TMEM117: variants seen among roughly 807,000 people sequenced by gnomAD.
TMEM117 encodes the protein transmembrane protein 117.
In TMEM117, 27 loss-of-function variants were observed where a neutral mutation model predicts 52.4. The ratio of observed to expected loss-of-function variants is 0.51; its 90% confidence interval spans 0.38 to 0.71. The LOEUF (loss-of-function observed/expected upper bound fraction) is 0.71. Ranked by LOEUF, TMEM117 falls within the 30% of genes least tolerant of loss-of-function variation. The pLI, the probability that TMEM117 is intolerant of heterozygous loss-of-function variation, is 0.00. For synonymous variants in TMEM117, 215 were observed against 206.3 expected (o/e 1.04, Z -0.36); for missense variants, 556 against 630.5 (o/e 0.88, Z 1.26).
At chr12:44,127,190 G>T (rs1310899406) in intron 3 of TMEM117, among the ~76,000 whole-genome samples, 1 of 152,110 alleles carries the variant, frequency 6.6e-6, no homozygotes, top group Non-Finnish European at 1.5e-5. Flanking sequence ...AAAATATTGT[G>T]TCATATGTTG....
At chr12:43,993,484 G>A (rs1945977259) in intron 3 of TMEM117, among the ~76,000 whole-genome samples, 1 of 152,044 alleles carries the variant, frequency 6.6e-6, no homozygotes, top group Admixed American at 6.6e-5. Flanking sequence ...CCTAATGATT[G>A]AGCACACATA....
At chr12:44,350,629 T>A (rs1028782843) in intron 6 of TMEM117, among the ~76,000 whole-genome samples, 1 of 152,012 alleles carries the variant, frequency 6.6e-6, no homozygotes, top group African/African-American at 2.4e-5. Flanking sequence ...TTTGTCTTAC[T>A]GTGCCTGGCT....
downstream of TMEM117, among the ~76,000 whole-genome samples, chr12:44,390,675 G>C (rs917463014): frequency 1.3e-4 from 19 of 151,890 alleles, no homozygotes; most frequent in Non-Finnish European, 1.6e-4. Flanking sequence ...CATAAATTTA[G>C]TAACAAATGG....
intron 3 of TMEM117, among the ~76,000 whole-genome samples, chr12:44,125,939 ACTT>A (rs1415172408): frequency 1.3e-5 from 2 of 152,176 alleles, no homozygotes; most frequent in Non-Finnish European, 2.9e-5. Flanking sequence ...GCTTCAAAGA[ACTT>A]CTTGATTTGT....
intron 2 of TMEM117, among the ~76,000 whole-genome samples, chr12:43,875,247 G>A (rs1262319571): frequency 6.6e-6 from 1 of 150,834 alleles, no homozygotes; most frequent in Non-Finnish European, 1.5e-5. Flanking sequence ...GTGTGTGTGT[G>A]TGTGAGAAAA....
the TMEM117 span, among the ~76,000 whole-genome samples, chr12:44,396,332 C>T: frequency 6.6e-6 from 1 of 152,022 alleles, no homozygotes; most frequent in Non-Finnish European, 1.5e-5. Context: ...AAATGTACTG[C>T]CCCTCTCTTG....
intron 5 of TMEM117, among the ~76,000 whole-genome samples, chr12:44,264,731 AT>A (rs1295689803): frequency 5.9e-5 from 9 of 152,206 alleles, no homozygotes; most frequent in Admixed American, 4.6e-4. Flanking sequence ...AAAGAAAAAA[AT>A]ATAAAGATGT....
chr12:44,243,714 C>T lies in TMEM117; in HGVS notation c.608+32327C>T, dbSNP rs139771257. On this transcript the variant is annotated intron_variant, in intron 5 of 7. Transcript: ENST00000266534. Reference sequence around the variant, plus strand: ...AGTCACTGTGCTGTGCCATTCTGATCGCTAAAACTTATTCCTCCTAACTGA... The same window carrying T: ...AGTCACTGTGCTGTGCCATTCTGATTGCTAAAACTTATTCCTCCTAACTGA... Among the ~76,000 whole-genome samples, 74 of 151,904 alleles carry T rather than the reference C, an allele frequency of 4.9e-4. No homozygotes were observed. The East Asian group carries it at 8.3e-3, about 17-fold the overall frequency.
At chr12:44,030,520 C>G (rs188657622) in intron 3 of TMEM117, among the ~76,000 whole-genome samples, 1 of 152,098 alleles carries the variant, frequency 6.6e-6, no homozygotes, top group Non-Finnish European at 1.5e-5. Context: ...ATTTGAGACT[C>G]CTAAAGAAAC....
chr12:44,070,088 G>A (rs977644198), intron 3 of TMEM117, among the ~76,000 whole-genome samples: 2 of 152,052 alleles, frequency 1.3e-5, no homozygotes, highest in African/African-American at 2.4e-5. Flanking sequence ...ATAGGGTCTT[G>A]CCATGTTGTT....
chr12:44,002,435 G>A (rs1346882978), intron 3 of TMEM117, among the ~76,000 whole-genome samples: 2 of 152,148 alleles, frequency 1.3e-5, no homozygotes, highest in Non-Finnish European at 2.9e-5. Context: ...CAGCTCTCGG[G>A]TTGGGGTCAG....
At chr12:44,303,010 T>A (rs1950860098) in intron 6 of TMEM117, among the ~76,000 whole-genome samples, 1 of 152,002 alleles carries the variant, frequency 6.6e-6, no homozygotes, top group South Asian at 2.1e-4. Context: ...TCTCTATTGG[T>A]AGGAAAATTC....
At chr12:44,181,468 A>C (rs1460259574) in intron 4 of TMEM117, among the ~76,000 whole-genome samples, 1 of 150,352 alleles carries the variant, frequency 6.7e-6, no homozygotes, top group African/African-American at 2.4e-5. Context: ...GTTTTCTTCT[A>C]GGGTTTTTAT....
intron 5 of TMEM117, among the ~76,000 whole-genome samples, chr12:44,268,539 A>T (rs1950407615): frequency 6.6e-6 from 1 of 152,170 alleles, no homozygotes. Context: ...AGAAGAGTGT[A>T]TTATAAATAT....
At position 44,299,725 on chromosome 12, in the gene TMEM117, C is replaced by G; in HGVS notation, c.754C>G (p.Leu252Val). ...LASFILVFDLLIVMQDWEFPH... is the reference protein window; with the variant it reads ...LASFILVFDLVIVMQDWEFPH... ...TTCTTTTATCTTGGTCTTTGACCTT[C>G]TTATTGTGATGCAGGTAAGTGTATT... Residue 252 changes from leucine (L) to valine (V), a missense_variant, in exon 6 of 8, where the codon CTT (leucine) becomes GTT (valine). Around this residue, in one of 3 missense-constraint regions of TMEM117, gnomAD observed 328 missense variants for 371.4 expected, o/e 0.88. Coordinates refer to ENST00000266534, the MANE Select transcript of TMEM117 (RefSeq NM_032256.3). 6.2e-7 allele frequency: 1 copy of G among 1,614,080 alleles called. No homozygotes were observed.
At chr12:43,896,223 A>G (rs569957392) in intron 2 of TMEM117, among the ~76,000 whole-genome samples, 55 of 152,332 alleles carry the variant, frequency 3.6e-4, no homozygotes, top group African/African-American at 1.2e-3. Context: ...GGCACTGGAG[A>G]TATAAAGGTT....
intron 2 of TMEM117, among the ~76,000 whole-genome samples, chr12:43,847,476 T>G (rs73096934): frequency 0.31 from 46,473 of 151,962 alleles, 11,421 homozygotes; most frequent in African/African-American, 0.68. Context: ...GATGATGCAA[T>G]GGGTTTAAGG....
rs73274177 is a variant in TMEM117 at position 44,279,887 on chromosome 12, A to G, written c.609-19693A>G. Among the ~76,000 whole-genome samples, 892 of 152,176 alleles carry G rather than the reference A, an allele frequency of 5.9e-3. 11 individuals carry two copies. Among genetic ancestry groups the G allele is most frequent in the African/African-American group, 0.021 (857 of 41,520 alleles). ...GTGGTCCATCTTCAGTCTTTATCCTATGAAACCTCTATGTGGTTTTTGGAG... is the reference window on the plus strand; with the variant it reads ...GTGGTCCATCTTCAGTCTTTATCCTGTGAAACCTCTATGTGGTTTTTGGAG... On this transcript the variant is annotated intron_variant, in intron 5 of 7. Coordinates refer to ENST00000266534, the MANE Select transcript of TMEM117 (RefSeq NM_032256.3).
At chr12:44,127,053 C>T (rs1452184856) in intron 3 of TMEM117, among the ~76,000 whole-genome samples, 1 of 152,166 alleles carries the variant, frequency 6.6e-6, no homozygotes, top group African/African-American at 2.4e-5. Flanking sequence ...ATGAGTAAGT[C>T]TGTTGACTTC....
Sources: gnomAD v4.1 joint callset for allele counts (sites outside exome capture counted in the v4.1 genomes callset) on GRCh38, gnomAD v4.1.1 for gene constraint, gnomAD v4.1.1 regional missense constraint, MANE v1.5 for transcripts, NCBI Gene and HGNC (gene_info 2026-07-23, HGNC 2026-07-21) for gene names.